Variants in LRRC56 observed in about 807,000 individuals in gnomAD.
LRRC56 encodes the protein leucine-rich repeat-containing protein 56.
In LRRC56, 41 loss-of-function variants were observed where a neutral mutation model predicts 47.8. That is an observed-to-expected ratio of 0.86 (90% CI 0.67 to 1.11). The LOEUF (loss-of-function observed/expected upper bound fraction) is 1.11, where lower values mean the gene tolerates loss of function less well. Among genes scored for constraint, LRRC56 ranks in the 50% most tolerant of loss-of-function variants. LRRC56 has a pLI of 0.00. For synonymous variants in LRRC56, 387 were observed against 311.2 expected, an observed-to-expected ratio of 1.24 and a Z score of -2.56; for missense variants, 759 against 704.2, an observed-to-expected ratio of 1.08 and a Z score of -0.88.
chr11:533,372 G>A, upstream of LRRC56: 1 of 1,607,476 alleles, frequency 6.2e-7, no homozygotes, highest in Non-Finnish European at 8.5e-7. Flanking sequence ...TGTCAAGGGA[G>A]AGGGTCAGTG....
rs1232551821 is a variant in LRRC56 at position 554,070 on chromosome 11, A to G, written c.1423A>G (p.Arg475Gly). The stretch of plus-strand genomic sequence containing the variant: ...GCGGTGGTCGACAGACCTGCAGTCC[A>G]GGGGGCGTCGGCTCCGAGTCCTGGG... ...SPRWSTDLQS[R>G]GRRLRVLGSW... The change falls in exon 14 of 14, where the codon AGG (arginine) becomes GGG (glycine). Residue 475 changes from arginine to glycine, a missense_variant. Coordinates refer to ENST00000270115, the MANE Select transcript of LRRC56 (RefSeq NM_198075.4). 6.2e-7 allele frequency: 1 copy of G among 1,610,008 alleles called. No individual in the cohort carries two copies. The highest frequency in any genetic ancestry group is 8.5e-7 in the Non-Finnish European group (1 of 1,179,242).
chr11:526,771 T>C, the LRRC56 span, among the ~76,000 whole-genome samples: 1 of 151,362 alleles, frequency 6.6e-6, no homozygotes, highest in Admixed American at 6.6e-5. Context: ...ACCCCGTCTC[T>C]ACTAAAAATA....
At chr11:540,174 A>C (rs1180675708) in intron 3 of LRRC56, among the ~76,000 whole-genome samples, 1 of 152,192 alleles carries the variant, frequency 6.6e-6, no homozygotes, top group East Asian at 1.9e-4. Context: ...CTGCAGGTGA[A>C]GGGGCTCGGC....
intron 9 of LRRC56, among the ~76,000 whole-genome samples, 164 bp downstream of exon 9, chr11:551,466 T>C (rs1307705258): frequency 1.3e-5 from 2 of 152,130 alleles, no homozygotes; most frequent in South Asian, 4.1e-4. Context: ...GCCAGGACAC[T>C]GTCTCTGAGC....
Position 541,735 on chromosome 11 carries a change from A to G in LRRC56, c.265+111A>G. ...GCTGTCCTCACCTCTCGGGCCGCGT[A>G]TCGGCTTCCTTAGGGTTGGCCTCTG... is the stretch of plus-strand genomic sequence containing the variant. On this transcript the variant is annotated intron_variant, in intron 5 of 13. Coordinates refer to ENST00000270115, the MANE Select transcript of LRRC56 (RefSeq NM_198075.4). The surrounding 1 kb of genome is among the most constrained non-coding windows in gnomAD (Gnocchi z 4.1). The G allele has an allele frequency of 1.5e-6, 1 of 667,400 alleles. No individual in the cohort carries two copies. The highest frequency in any genetic ancestry group is 2.4e-6 in the Non-Finnish European group (1 of 411,496). The allele number at this position is 667,400 out of a possible 1,614,324, so 41.3% of individuals were successfully genotyped here. A position where few individuals can be genotyped will look rare whatever the true frequency, so the allele number is the denominator to read the frequency against.
chr11:530,584 G>A, the LRRC56 span, among the ~76,000 whole-genome samples: 1 of 76,042 alleles, frequency 1.3e-5, no homozygotes, highest in Non-Finnish European at 2.7e-5. Flanking sequence ...TGGAGAGAAG[G>A]GGGAGTGTGG....
chr11:544,873 G>A (rs1277527686), intron 6 of LRRC56, 93 bp downstream of exon 6: 3 of 1,199,288 alleles, frequency 2.5e-6, no homozygotes, highest in East Asian at 2.6e-5. Context: ...TGGTGGGAGT[G>A]GGGGGACTTG....
intron 13 of LRRC56, among the ~76,000 whole-genome samples, chr11:553,483 G>A (rs1300152156): frequency 6.6e-6 from 1 of 152,096 alleles, no homozygotes; most frequent in African/African-American, 2.4e-5. Context: ...CTGCAGGGGT[G>A]GAGGGAGGGC....
chr11:550,399 T>G lies in LRRC56; in HGVS notation c.624+127T>G, dbSNP rs1852323045. 7.0e-6 allele frequency: 6 copies of G among 852,382 alleles called. No individual in the cohort carries two copies. The South Asian group carries it at 1.1e-4, about 15-fold the overall frequency. The allele number at this position is 852,382 out of a possible 1,614,324, so 52.8% of individuals were successfully genotyped here. ...CCCGCACCCTATGGCCTGCTCACCA[T>G]GAGTTCACCTCCTCTGTCACTGGAA... On this transcript the variant is annotated intron_variant, in intron 8 of 13. Coordinates refer to ENST00000270115, the MANE Select transcript of LRRC56 (RefSeq NM_198075.4).
At chr11:518,906 G>GT in the LRRC56 span, among the ~76,000 whole-genome samples, 1 of 151,950 alleles carries the variant, frequency 6.6e-6, no homozygotes, top group African/African-American at 2.4e-5. Context: ...CCGGGGCGGG[G>GT]GGGCGTGTCT....
chr11:517,074 T>C, the LRRC56 span, among the ~76,000 whole-genome samples: 1 of 152,244 alleles, frequency 6.6e-6, no homozygotes, highest in East Asian at 1.9e-4. Context: ...GGTCTCCGGC[T>C]CCTGACCTCC....
the LRRC56 span, among the ~76,000 whole-genome samples, chr11:525,124 C>T: frequency 6.8e-6 from 1 of 146,600 alleles, no homozygotes; most frequent in Non-Finnish European, 1.5e-5. Context: ...CAACTTGGGG[C>T]CGGGCGCGGT....
chr11:533,503 C>T (rs1389157073), upstream of LRRC56: 8 of 1,613,500 alleles, frequency 5.0e-6, no homozygotes, highest in South Asian at 2.2e-5. Flanking sequence ...TAGCTTCGGG[C>T]GAGGTCCTGA....
At chr11:525,131 C>T in the LRRC56 span, among the ~76,000 whole-genome samples, 3,540 of 145,562 alleles carry the variant, frequency 0.024, 55 homozygotes, top group Non-Finnish European at 0.035. Flanking sequence ...GGGCCGGGCG[C>T]GGTGGGTCAC....
Position 554,324 on chromosome 11 carries a change from C to A in LRRC56, c.*48C>A. 1 of 1,436,628 alleles carries A rather than the reference C, an allele frequency of 7.0e-7. No individual in the cohort carries two copies. Among genetic ancestry groups the A allele is most frequent in the Non-Finnish European group, 9.2e-7 (1 of 1,091,090 alleles). The allele number at this position is 1,436,628 out of a possible 1,614,324, so 89.0% of individuals were successfully genotyped here. ...CCCTGTGCTGGGGCCACGACTTGCCCACATATGTGGTCACAGAGCACAGAA... is the reference window on the plus strand; with the variant it reads ...CCCTGTGCTGGGGCCACGACTTGCCAACATATGTGGTCACAGAGCACAGAA... On this transcript the variant is annotated 3_prime_UTR_variant, in exon 14 of 14. Transcript: ENST00000270115.
the LRRC56 span, among the ~76,000 whole-genome samples, chr11:511,087 C>T: frequency 3.2e-3 from 479 of 152,058 alleles, 2 homozygotes; most frequent in African/African-American, 0.01. Flanking sequence ...TTTGGGAGGC[C>T]GAGGCGGGCG....
At position 551,698 on chromosome 11, in the gene LRRC56, CT is replaced by C. The variant is rs1852401992; in HGVS notation, c.845del (p.Leu282ArgfsTer128). The C allele has an allele frequency of 6.2e-7, 1 of 1,609,964 alleles. No individual in the cohort carries two copies. The highest frequency in any genetic ancestry group is 1.3e-5 in the African/African-American group (1 of 74,836). On this transcript the variant is annotated frameshift_variant, in exon 10 of 14. Coordinates refer to ENST00000270115, the MANE Select transcript of LRRC56 (RefSeq NM_198075.4). LOFTEE classifies it high-confidence loss of function. Reference protein sequence around the residue: ...PIRRLDPELSLPETQSRASRP... With the variant: ...PIRRLDPELSXPETQSRASRP... Reference sequence around the variant, plus strand: ...CCGGAGACTTGACCCCGAGCTGTCCCTGCCTGAGACGCAGTCCCGGGCCTCC... The same window carrying C: ...CCGGAGACTTGACCCCGAGCTGTCCCGCCTGAGACGCAGTCCCGGGCCTCC...
At chr11:540,633 G>C in intron 3 of LRRC56, 41 bp from the exon 4 acceptor site, 1 of 1,564,752 alleles carries the variant, frequency 6.4e-7, no homozygotes, top group Non-Finnish European at 8.7e-7. Context: ...AGAGGAGGAG[G>C]AGCAACAGCG....
At chr11:528,202 G>A in the LRRC56 span, among the ~76,000 whole-genome samples, 1 of 152,220 alleles carries the variant, frequency 6.6e-6, no homozygotes, top group Non-Finnish European at 1.5e-5. Flanking sequence ...GTGGCCTTGT[G>A]GGATCGCTGT....
Sources: gnomAD v4.1 joint callset for allele counts (sites outside exome capture counted in the v4.1 genomes callset) on GRCh38, gnomAD v4.1.1 for gene constraint, Gnocchi (gnomAD v3.1) non-coding constraint, MANE v1.5 for transcripts, NCBI Gene and HGNC (gene_info 2026-07-23, HGNC 2026-07-21) for gene names.